Variants in EXOC4 observed in about 807,000 individuals in gnomAD.
The protein encoded by EXOC4 is exocyst complex component 4, also known as SEC8-like 1.
A neutral mutation model predicts 107.2 loss-of-function variants in EXOC4; 71 were observed. The observed-to-expected ratio is 0.66, with a 90% CI of 0.55 to 0.81. The LOEUF is 0.81. EXOC4 is among the 30% of genes least tolerant of loss of function. The pLI is 0.00. For missense variants in EXOC4, 1,108 were observed against 1,189.6 expected (o/e 0.93, Z 1.01); for synonymous variants, 456 against 441.2 (o/e 1.03, Z -0.42).
chr7:133,878,494 A>G (rs1280777000), intron 11 of EXOC4, among the ~76,000 whole-genome samples: 1 of 152,204 alleles, frequency 6.6e-6, no homozygotes, highest in African/African-American at 2.4e-5. Context: ...AGAATATATC[A>G]TAGATGGTGT....
intron 10 of EXOC4, among the ~76,000 whole-genome samples, chr7:133,790,462 C>T (rs1182154773): frequency 6.6e-6 from 1 of 152,174 alleles, no homozygotes; most frequent in Non-Finnish European, 1.5e-5. Context: ...ACCATAACAC[C>T]TCAAGTTGCA....
Position 133,857,175 on chromosome 7 carries a change from T to C in EXOC4, c.1735-38424T>C, listed in dbSNP as rs371375539. 4.6e-3 allele frequency among the ~76,000 whole-genome samples: 84 copies of C among 18,258 alleles called. 2 individuals carry two copies. The highest frequency in any genetic ancestry group is 0.017 in the South Asian group (7 of 424). 12.0% of individuals were successfully genotyped at this position (18,258 alleles called of 152,430 possible). A position where few individuals can be genotyped will look rare whatever the true frequency, so the allele number is the denominator to read the frequency against. On this transcript the variant is annotated intron_variant, in intron 11 of 17. Transcript: ENST00000253861. Reference sequence around the variant, plus strand: ...ATATATATATATATATATATATATATATATATATATATATATATATATATA... The same window carrying C: ...ATATATATATATATATATATATATACATATATATATATATATATATATATA...
At position 133,518,259 on chromosome 7, in the gene EXOC4, C is replaced by T. The variant is rs540383987; in HGVS notation, c.1417+38121C>T. Among the ~76,000 whole-genome samples, 247 of 151,428 alleles carry T rather than the reference C, an allele frequency of 1.6e-3. 9 individuals are homozygous for T. The South Asian group carries it at 0.046, about 28-fold the overall frequency. On this transcript the variant is annotated intron_variant, in intron 9 of 17. Transcript: ENST00000253861. Reference sequence around the variant, plus strand: ...AGTCAAAGTCCAAAAGCGGTGTGCACGCAGAGATGGTAAGAAATTTTGCCC... The same window carrying T: ...AGTCAAAGTCCAAAAGCGGTGTGCATGCAGAGATGGTAAGAAATTTTGCCC...
the EXOC4 span, among the ~76,000 whole-genome samples, chr7:134,073,760 C>T: frequency 1.1e-4 from 17 of 152,110 alleles, no homozygotes; most frequent in African/African-American, 4.1e-4. Flanking sequence ...GATTTACTCA[C>T]AGGCAGGGGA....
intron 9 of EXOC4, among the ~76,000 whole-genome samples, chr7:133,490,927 ACT>A (rs1799360508): frequency 6.6e-6 from 1 of 152,146 alleles, no homozygotes; most frequent in African/African-American, 2.4e-5. Context: ...ATTATATTAG[ACT>A]CTGCATGGTA....
chr7:133,424,274 A>C (rs1797673111), intron 7 of EXOC4, among the ~76,000 whole-genome samples: 1 of 152,154 alleles, frequency 6.6e-6, no homozygotes, highest in Non-Finnish European at 1.5e-5. Context: ...TATGAGCTGT[A>C]ACACTCACTG....
At chr7:133,489,318 C>G (rs1799328062) in intron 9 of EXOC4, among the ~76,000 whole-genome samples, 1 of 152,132 alleles carries the variant, frequency 6.6e-6, no homozygotes, top group Non-Finnish European at 1.5e-5. Flanking sequence ...CATATGCACT[C>G]ATACATTTCA....
intron 3 of EXOC4, among the ~76,000 whole-genome samples, chr7:133,292,955 T>C (rs1292870849): frequency 2.0e-5 from 3 of 152,252 alleles, no homozygotes; most frequent in Non-Finnish European, 4.4e-5. Context: ...ATTTATTTCT[T>C]AATGGCAAGG....
intron 5 of EXOC4, among the ~76,000 whole-genome samples, chr7:133,351,239 T>C (rs569718529): frequency 1.5e-4 from 23 of 152,154 alleles, no homozygotes; most frequent in African/African-American, 5.3e-4. Context: ...TTAGGAAGTT[T>C]TATTCCTTTT....
At chr7:133,840,494 T>TTTTATTTATTTATTTATTTA (rs200907309) in intron 11 of EXOC4, among the ~76,000 whole-genome samples, 4,004 of 151,286 alleles carry the variant, frequency 0.026, 203 homozygotes, top group African/African-American at 0.092. Flanking sequence ...TTTTATTGTA[T>TTTTATTTATTTATTTATTTA]TTTATTTATT....
At chr7:133,906,887 G>A (rs1015451957) in intron 12 of EXOC4, among the ~76,000 whole-genome samples, 27 of 152,164 alleles carry the variant, frequency 1.8e-4, no homozygotes, top group African/African-American at 5.1e-4. Flanking sequence ...TGGGTTCCAC[G>A]GTTCTCTTCT....
intron 11 of EXOC4, among the ~76,000 whole-genome samples, chr7:133,860,605 ATGT>A (rs1012532893): frequency 2.0e-5 from 3 of 152,210 alleles, no homozygotes; most frequent in East Asian, 1.9e-4. Context: ...TTTTAGAGAA[ATGT>A]TGTTGAATTG....
chr7:133,858,981 C>A (rs971153177), intron 11 of EXOC4, among the ~76,000 whole-genome samples: 1 of 152,080 alleles, frequency 6.6e-6, no homozygotes, highest in Admixed American at 6.6e-5. Flanking sequence ...TTTGTAGCAT[C>A]CTCTGGGTAT....
intron 8 of EXOC4, among the ~76,000 whole-genome samples, chr7:133,476,623 T>G (rs993607792): frequency 6.6e-6 from 1 of 152,224 alleles, no homozygotes; most frequent in Non-Finnish European, 1.5e-5. Context: ...GAGATTTATT[T>G]AGTATATCCC....
intron 4 of EXOC4, among the ~76,000 whole-genome samples, chr7:133,309,662 G>C (rs536658749): frequency 2.0e-4 from 31 of 152,132 alleles, no homozygotes; most frequent in Non-Finnish European, 4.1e-4. Flanking sequence ...AAGGTCAGCC[G>C]GGCGTGGAGG....
intron 14 of EXOC4, among the ~76,000 whole-genome samples, chr7:133,991,977 C>G (rs1434201317): frequency 6.6e-6 from 1 of 151,984 alleles, no homozygotes; most frequent in Non-Finnish European, 1.5e-5. Flanking sequence ...ATTCTTTTTT[C>G]TATTTCTGTG....
At chr7:134,067,149 C>CAAAAAAAAAAAAA (rs10597442), downstream of EXOC4, among the ~76,000 whole-genome samples, 1 of 121,962 alleles carries the variant, frequency 8.2e-6, no homozygotes, top group Non-Finnish European at 1.7e-5. Context: ...CACTCTGTCT[C>CAAAAAAAAAAAAA]AAAAAAAAAA....
chr7:133,995,109 CT>C (rs1794356291), intron 14 of EXOC4, among the ~76,000 whole-genome samples: 1 of 152,162 alleles, frequency 6.6e-6, no homozygotes, highest in African/African-American at 2.4e-5. Context: ...CCTGAAACTA[CT>C]TTTTACCTCA....
At chr7:133,810,363 G>GA (rs1304499200) in intron 10 of EXOC4, among the ~76,000 whole-genome samples, 1 of 152,098 alleles carries the variant, frequency 6.6e-6, no homozygotes, top group Non-Finnish European at 1.5e-5. Context: ...AATTTCCCTT[G>GA]ATAGCAATCA....
Sources: gnomAD v4.1 joint callset for allele counts (sites outside exome capture counted in the v4.1 genomes callset) on GRCh38, gnomAD v4.1.1 for gene constraint, MANE v1.5 for transcripts, NCBI Gene and HGNC (gene_info 2026-07-23, HGNC 2026-07-21) for gene names.